The following CRISPLD2 variants were observed in gnomAD, a reference collection of about 807,000 sequenced individuals.
CRISPLD2 encodes cysteine rich secretory protein LCCL domain containing 2, also known as cysteine-rich secretory protein LCCL domain-containing 2.
In CRISPLD2, 47 loss-of-function variants were observed where a neutral mutation model predicts 71.1. The observed-to-expected ratio is 0.66, with a 90% confidence interval of 0.52 to 0.84. The LOEUF (loss-of-function observed/expected upper bound fraction) is 0.84. Among genes scored for constraint, CRISPLD2 ranks in the 40% least tolerant of loss-of-function variants. CRISPLD2 has a pLI of 0.00. For missense variants in CRISPLD2, 830 were observed against 651.1 expected, an observed-to-expected ratio of 1.27 and a Z score of -2.99; for synonymous variants, 317 against 250.1, an observed-to-expected ratio of 1.27 and a Z score of -2.52.
intron 3 of CRISPLD2, 70 bp from the exon 4 acceptor site, chr16:84,849,315 T>C: frequency 2.7e-6 from 4 of 1,462,856 alleles, no homozygotes; most frequent in Non-Finnish European, 3.7e-6. Flanking sequence ...TACCTGCCCG[T>C]GGCTGCTGCT....
Position 84,868,835 on chromosome 16 carries a change from C to T in CRISPLD2, c.854-16C>T, listed in dbSNP as rs779014549. 45 of 1,610,386 alleles carry T rather than the reference C, an allele frequency of 2.8e-5. No individual in the cohort carries two copies. The highest frequency in any genetic ancestry group is 5.5e-5 in the South Asian group (5 of 90,586). On this transcript the variant is annotated splice_polypyrimidine_tract_variant and intron_variant, in intron 7 of 14. Transcript: ENST00000262424. Reference sequence around the variant, plus strand: ...GGTTTCGTGCCGTGACATGTATTCCCGCATTTCTCTCCTAGCCCAAGTCGT... The same window carrying T: ...GGTTTCGTGCCGTGACATGTATTCCTGCATTTCTCTCCTAGCCCAAGTCGT...
At chr16:84,888,479 G>C (rs956398800) in intron 13 of CRISPLD2, among the ~76,000 whole-genome samples, 24 of 152,184 alleles carry the variant, frequency 1.6e-4, no homozygotes, top group African/African-American at 5.8e-4. Flanking sequence ...TTATCACCCA[G>C]AAACTGAACT....
intron 5 of CRISPLD2, among the ~76,000 whole-genome samples, chr16:84,854,323 G>A (rs563783433): frequency 5.9e-5 from 9 of 152,290 alleles, no homozygotes; most frequent in Middle Eastern, 3.4e-3. Flanking sequence ...AACGCAAGCC[G>A]TCTCTGGGAC....
At chr16:84,851,836 C>T (rs1426956903) in intron 5 of CRISPLD2, among the ~76,000 whole-genome samples, 2 of 152,230 alleles carry the variant, frequency 1.3e-5, no homozygotes, top group Non-Finnish European at 2.9e-5. Context: ...TAGCTGCCCC[C>T]TGCTTCCTTA....
At chr16:84,871,807 C>T (rs2071471517) in intron 8 of CRISPLD2, among the ~76,000 whole-genome samples, 1 of 146,554 alleles carries the variant, frequency 6.8e-6, no homozygotes, top group African/African-American at 2.6e-5. Context: ...CTGCCTTGGC[C>T]TCCCAAAGTG....
At position 84,908,349 on chromosome 16, in the gene CRISPLD2, A is replaced by G. The variant is rs1270126747; in HGVS notation, c.*1707A>G. ...TCAGCCCCAAATGTCGGAGAGGAAG[A>G]ATTCGGTCAGCCTGTCAGGTCGTGA... On this transcript the variant is annotated 3_prime_UTR_variant, in exon 15 of 15. Transcript: ENST00000262424. 1 of 152,234 alleles carries G rather than the reference A, an allele frequency of 6.6e-6. No individual in the cohort carries two copies. Among genetic ancestry groups the G allele is most frequent in the African/African-American group, 2.4e-5 (1 of 41,452 alleles). 9.4% of individuals were successfully genotyped at this position (152,234 alleles called of 1,614,324 possible).
Position 84,838,547 on chromosome 16 carries a change from T to G in CRISPLD2, c.52T>G (p.Cys18Gly), listed in dbSNP as rs1405873290. 6.2e-7 allele frequency: 1 copy of G among 1,614,198 alleles called. No homozygotes were observed. The highest frequency in any genetic ancestry group is 1.1e-5 in the South Asian group (1 of 91,088). The change falls in exon 2 of 15, where the codon TGC (cysteine) becomes GGC (glycine). Residue 18 changes from cysteine to glycine, a missense_variant. By Grantham distance (159) the Cys-to-Gly change is radical (BLOSUM62 -3). Transcript: ENST00000262424. ...CCCCTTGGGGCTGCTGTTCCTGGTC[T>G]GCGGATCCCAAGGCTACCTCCTGCC... ...VIPLGLLFLV[C>G]GSQGYLLPNV...
intron 3 of CRISPLD2, 38 bp from the exon 4 acceptor site, chr16:84,849,347 G>A: frequency 6.3e-7 from 1 of 1,575,694 alleles, no homozygotes; most frequent in Admixed American, 1.7e-5. Context: ...TGGGTGAGGG[G>A]AGGGGCTGGG....
chr16:84,834,830 C>T (rs1916576300), intron 1 of CRISPLD2, among the ~76,000 whole-genome samples: 1 of 152,092 alleles, frequency 6.6e-6, no homozygotes, highest in South Asian at 2.1e-4. Context: ...CTGCGTGTCT[C>T]GGTCCTAAAC....
At chr16:84,845,549 G>A (rs975317804) in intron 2 of CRISPLD2, among the ~76,000 whole-genome samples, 1 of 152,222 alleles carries the variant, frequency 6.6e-6, no homozygotes, top group Admixed American at 6.5e-5. Context: ...CAGAGAGAAG[G>A]CACCTGCCCA....
chr16:84,860,022 C>A (rs150839924), intron 6 of CRISPLD2, among the ~76,000 whole-genome samples: 21 of 152,276 alleles, frequency 1.4e-4, no homozygotes, highest in African/African-American at 5.1e-4. Flanking sequence ...CTGGATTCTC[C>A]CAGCTGGAAT....
rs1242622102 is a variant in CRISPLD2, at chr16:84,866,973, T to A, written c.786T>A (p.His262Gln). 6 of 1,613,926 alleles carry A rather than the reference T, an allele frequency of 3.7e-6. No homozygotes were observed. The South Asian group carries it at 6.6e-5, about 18-fold the overall frequency. The change falls in exon 7 of 15, where the codon CAT (histidine) becomes CAA (glutamine). Residue 262 changes from histidine (H) to glutamine (Q), a missense_variant. Coordinates refer to ENST00000262424, the MANE Select transcript of CRISPLD2 (RefSeq NM_031476.4). ...CGGCTCCCATTCCTGAAGAAAACCA[T>A]GTTTGGCTCCAACCGAGGGTGATGA... is the stretch of plus-strand genomic sequence containing the variant. Reference protein sequence around the residue: ...VETAPIPEENHVWLQPRVMRP... With the variant: ...VETAPIPEENQVWLQPRVMRP...
At chr16:84,893,936 G>A (rs576756955) in intron 14 of CRISPLD2, among the ~76,000 whole-genome samples, 19 of 152,354 alleles carry the variant, frequency 1.2e-4, no homozygotes, top group Admixed American at 3.3e-4. Context: ...AGTCCCAAGG[G>A]AGACGTAGAT....
Position 84,832,863 on chromosome 16 carries a change from G to A in CRISPLD2, c.-74-5559G>A, listed in dbSNP as rs530584834. Among the ~76,000 whole-genome samples, 19 of 152,344 alleles carry A rather than the reference G, an allele frequency of 1.2e-4. No homozygotes were observed. In the East Asian group the frequency reaches 3.5e-3, roughly 28 times the overall value. On this transcript the variant is annotated intron_variant, in intron 1 of 14. Coordinates refer to ENST00000262424, the MANE Select transcript of CRISPLD2 (RefSeq NM_031476.4). The stretch of plus-strand genomic sequence containing the variant: ...CTCCTTCTCCCTCACTCACTTCTGA[G>A]TGTTGAGTACGATGGCGCCCAAGAG...
intron 13 of CRISPLD2, among the ~76,000 whole-genome samples, chr16:84,881,378 C>T (rs1286374793): frequency 2.0e-5 from 3 of 152,182 alleles, no homozygotes; most frequent in African/African-American, 7.2e-5. Flanking sequence ...CGAATTTTAA[C>T]CAGGGAGCTT....
intron 2 of CRISPLD2, among the ~76,000 whole-genome samples, chr16:84,841,171 G>A (rs183843477): frequency 6.6e-6 from 1 of 152,320 alleles, no homozygotes; most frequent in East Asian, 1.9e-4. Context: ...AGGGGTGGAA[G>A]AATCCTGACT....
At chr16:84,905,649 C>A (rs147652118) in intron 14 of CRISPLD2, among the ~76,000 whole-genome samples, 6,631 of 115,648 alleles carry the variant, frequency 0.057, 178 homozygotes, top group Non-Finnish European at 0.072. Flanking sequence ...CCTTGGCCTC[C>A]CAAAGTGCTG....
chr16:84,860,043 A>G, intron 6 of CRISPLD2, among the ~76,000 whole-genome samples: 1 of 151,122 alleles, frequency 6.6e-6, no homozygotes, highest in East Asian at 2.0e-4. Flanking sequence ...GAGTAGGTCC[A>G]AAATGACTAA....
At chr16:84,897,484 G>A (rs1340849871) in intron 14 of CRISPLD2, among the ~76,000 whole-genome samples, 2 of 152,122 alleles carry the variant, frequency 1.3e-5, no homozygotes, top group Non-Finnish European at 2.9e-5. Context: ...CAACAATATA[G>A]TGAAAATAAT....
Sources: allele counts gnomAD v4.1 joint callset (sites outside exome capture counted in the v4.1 genomes callset), GRCh38; gene constraint gnomAD v4.1.1; transcripts MANE v1.5; gene names NCBI Gene and HGNC (gene_info 2026-07-23, HGNC 2026-07-21).